Variants in PHACTR4 observed in about 807,000 individuals in gnomAD.
PHACTR4 encodes protein phosphatase 1, regulatory subunit 124.
PHACTR4 carries 51 observed loss-of-function variants against 72.7 expected under a neutral mutation model. The ratio of observed to expected loss-of-function variants is 0.70; its 90% CI spans 0.56 to 0.89. The LOEUF (loss-of-function observed/expected upper bound fraction) is 0.89, where lower values mean the gene tolerates loss of function less well. PHACTR4 is among the 40% of genes least tolerant of loss of function. The pLI is 0.00. For synonymous variants in PHACTR4, 255 were observed against 302.5 expected (o/e 0.84, Z 1.63); for missense variants, 731 against 861.8 (o/e 0.85, Z 1.90).
chr1:28,465,747 G>A lies in PHACTR4; in HGVS notation c.334G>A (p.Gly112Arg). The change falls in exon 5 of 14, where the codon GGG (glycine) becomes AGG (arginine). Residue 112 changes from glycine to arginine, a missense_variant. Physicochemically the swap from Gly to Arg is moderately radical, Grantham distance 125. Around this residue, in one of 2 missense-constraint regions of PHACTR4, gnomAD observed 621 missense variants for 676.6 expected, o/e 0.92. Coordinates refer to ENST00000373839, the MANE Select transcript of PHACTR4 (RefSeq NM_001048183.3). The stretch of plus-strand genomic sequence containing the variant: ...AAAGAATGGCCATACCACCCCCATA[G>A]GGAATGCCAGATCATCTAGTCCAGT... ...MLKNGHTTPI[G>R]NARSSSPVQV... 1.2e-6 allele frequency: 2 copies of A among 1,614,080 alleles called. No individual in the cohort carries two copies. Among genetic ancestry groups the A allele is most frequent in the Non-Finnish European group, 1.7e-6 (2 of 1,179,978 alleles).
chr1:28,436,715 T>C (rs1656658535), intron 2 of PHACTR4, among the ~76,000 whole-genome samples: 1 of 152,214 alleles, frequency 6.6e-6, no homozygotes. Flanking sequence ...TTAGTGTTAG[T>C]ATACTAAATA....
Position 28,466,400 on chromosome 1 carries a change from C to T in PHACTR4, c.455C>T (p.Pro152Leu). The change falls in exon 6 of 14, where the codon CCT (proline) becomes CTT (leucine). Residue 152 changes from proline to leucine, a missense_variant. Pro to Leu is a moderately conservative substitution (Grantham distance 98). Transcript: ENST00000373839. ...TACACAGGCTCAACTGGAAGCCAGC[C>T]TAATTCTGAAGCAGAGTCTGTTCCT... ...KKRLGSTGSQ[P>L]NSEAESVPEN... 1 of 1,611,680 alleles carries T rather than the reference C, an allele frequency of 6.2e-7. No individual in the cohort carries two copies. Among genetic ancestry groups the T allele is most frequent in the Non-Finnish European group, 8.5e-7 (1 of 1,177,900 alleles).
chr1:28,404,657 T>C (rs977265524), intron 1 of PHACTR4, among the ~76,000 whole-genome samples: 1 of 152,190 alleles, frequency 6.6e-6, no homozygotes, highest in Non-Finnish European at 1.5e-5. Context: ...TTTAACTGTT[T>C]GGGGAACTGT....
intron 2 of PHACTR4, among the ~76,000 whole-genome samples, chr1:28,411,377 A>G (rs1453250263): frequency 6.6e-6 from 1 of 152,174 alleles, no homozygotes; most frequent in Non-Finnish European, 1.5e-5. Flanking sequence ...TAAATCTTGG[A>G]ATTTGTAAAT....
chr1:28,460,517 TC>T (rs940440627), intron 4 of PHACTR4, among the ~76,000 whole-genome samples: 8 of 152,008 alleles, frequency 5.3e-5, no homozygotes, highest in African/African-American at 1.4e-4. Flanking sequence ...GTCTTTTTTT[TC>T]CCCCCCTTGA....
chr1:28,387,737 T>G (rs1652673616), intron 1 of PHACTR4, among the ~76,000 whole-genome samples: 1 of 151,818 alleles, frequency 6.6e-6, no homozygotes, highest in Admixed American at 6.6e-5. Context: ...AAACAATTTT[T>G]TTTTTTTTGA....
At chr1:28,429,734 C>T (rs976971449) in intron 2 of PHACTR4, among the ~76,000 whole-genome samples, 7 of 152,182 alleles carry the variant, frequency 4.6e-5, no homozygotes, top group African/African-American at 1.7e-4. Context: ...ATAAATACAT[C>T]ATGGGCCCTG....
At chr1:28,433,301 G>A (rs904599906) in intron 2 of PHACTR4, among the ~76,000 whole-genome samples, 3 of 151,892 alleles carry the variant, frequency 2.0e-5, no homozygotes, top group Non-Finnish European at 2.9e-5. Flanking sequence ...TCATTAGTGT[G>A]CCAGTATCGT....
rs917201289 is a variant in PHACTR4, at chr1:28,498,994, G to A, written c.*2445G>A. The A allele has an allele frequency of 2.0e-5, 3 of 149,536 alleles. No homozygotes were observed. The highest frequency in any genetic ancestry group is 4.0e-4 in the East Asian group (2 of 4,982). 9.3% of individuals were successfully genotyped at this position (149,536 alleles called of 1,614,324 possible). A position where few individuals can be genotyped will look rare whatever the true frequency, so the allele number is the denominator to read the frequency against. The stretch of plus-strand genomic sequence containing the variant: ...GAGGCAGGAGAGTCGCTTGAACCCA[G>A]GAGGCGGAGATTGCAGTGAGCCAAG... On this transcript the variant is annotated 3_prime_UTR_variant, in exon 14 of 14. Transcript: ENST00000373839.
At chr1:28,410,446 C>G (rs923525060) in intron 2 of PHACTR4, among the ~76,000 whole-genome samples, 7 of 152,108 alleles carry the variant, frequency 4.6e-5, no homozygotes, top group Admixed American at 2.6e-4. Flanking sequence ...TCTGAGTGAC[C>G]TCCTTGCTTC....
intron 2 of PHACTR4, among the ~76,000 whole-genome samples, chr1:28,440,540 A>G (rs1247382677): frequency 1.3e-5 from 2 of 150,988 alleles, no homozygotes; most frequent in South Asian, 2.1e-4. Context: ...AAATTCATCA[A>G]TTCTATTCCT....
chr1:28,490,122 A>G (rs1188842693), intron 10 of PHACTR4, among the ~76,000 whole-genome samples: 20 of 152,228 alleles, frequency 1.3e-4, no homozygotes, highest in Admixed American at 1.3e-3. Context: ...TAAAAATGTG[A>G]AGACTATTCT....
chr1:28,397,248 A>G (rs1265202712), intron 1 of PHACTR4, among the ~76,000 whole-genome samples: 1 of 152,182 alleles, frequency 6.6e-6, no homozygotes, highest in Non-Finnish European at 1.5e-5. Flanking sequence ...TTTATAATAA[A>G]TGCTATTTCA....
In PHACTR4 at chr1:28,488,266, G is replaced by A. The variant is rs191395820; in HGVS notation, c.1761-904G>A. On this transcript the variant is annotated intron_variant, in intron 9 of 13. Transcript: ENST00000373839. ...TAATCCCAGCACTTTGGGAGGCCGA[G>A]GCAGGCGGATCACAAGGTCAGGAGA... Among the ~76,000 whole-genome samples the A allele has an allele frequency of 6.2e-3, 943 of 152,090 alleles. 10 individuals are homozygous for A. The highest frequency in any genetic ancestry group is 0.022 in the African/African-American group (896 of 41,512).
intron 1 of PHACTR4, among the ~76,000 whole-genome samples, chr1:28,383,457 C>T (rs1652341631): frequency 6.6e-6 from 1 of 152,062 alleles, no homozygotes; most frequent in Admixed American, 6.6e-5. Flanking sequence ...GCCCTTTTAA[C>T]AATATTGATT....
intron 13 of PHACTR4, among the ~76,000 whole-genome samples, chr1:28,495,628 AT>A (rs1391904527): frequency 2.7e-3 from 395 of 145,494 alleles, no homozygotes; most frequent in Admixed American, 5.1e-3. Flanking sequence ...TTTTTTTTTT[AT>A]TTTTTGAGAC....
intron 1 of PHACTR4, among the ~76,000 whole-genome samples, chr1:28,407,051 A>G (rs1011723277): frequency 3.0e-4 from 46 of 152,266 alleles, no homozygotes; most frequent in African/African-American, 1.1e-3. Context: ...AACTGACAAT[A>G]ATATATTTTA....
At chr1:28,473,175 C>T (rs189994149) in intron 6 of PHACTR4, among the ~76,000 whole-genome samples, 217 of 150,870 alleles carry the variant, frequency 1.4e-3, no homozygotes, top group African/African-American at 4.9e-3. Context: ...ACTTGGTAGA[C>T]TGAGGCAGGA....
At chr1:28,476,321 G>T (rs1481895677) in intron 8 of PHACTR4, 30 bp downstream of exon 8, 3 of 1,551,346 alleles carry the variant, frequency 1.9e-6, no homozygotes, top group Non-Finnish European at 2.6e-6. Flanking sequence ...GCAAAACAGA[G>T]AATTCTTTTC....
Sources: gnomAD v4.1 joint callset for allele counts (sites outside exome capture counted in the v4.1 genomes callset) on GRCh38, gnomAD v4.1.1 for gene constraint, gnomAD v4.1.1 regional missense constraint, MANE v1.5 for transcripts, NCBI Gene and HGNC (gene_info 2026-07-23, HGNC 2026-07-21) for gene names.